Variants in PHACTR1 observed in about 807,000 individuals in gnomAD.
PHACTR1 encodes the protein RPEL repeat containing 1.
PHACTR1 carries 16 observed loss-of-function variants against 69.2 expected under a neutral mutation model. The ratio of observed to expected loss-of-function variants is 0.23; its 90% CI spans 0.16 to 0.35. PHACTR1 has a LOEUF of 0.35. Among genes scored for constraint, PHACTR1 ranks in the 10% least tolerant of loss-of-function variants. PHACTR1 has a pLI of 1.00. For synonymous variants in PHACTR1, 312 were observed against 284.5 expected (o/e 1.10, Z -0.97); for missense variants, 510 against 734.7 (o/e 0.69, Z 3.54).
intron 4 of PHACTR1, among the ~76,000 whole-genome samples, chr6:13,013,815 C>T (rs1247678871): frequency 6.7e-6 from 1 of 148,422 alleles, no homozygotes; most frequent in Non-Finnish European, 1.5e-5. Context: ...GGCATGCTGG[C>T]GAGGCCGAGG....
At chr6:13,185,557 C>T (rs765277156) in intron 7 of PHACTR1, among the ~76,000 whole-genome samples, 1 of 151,862 alleles carries the variant, frequency 6.6e-6, no homozygotes, top group African/African-American at 2.4e-5. Context: ...AATGATTGCA[C>T]ACGTCCTTTG....
intron 5 of PHACTR1, among the ~76,000 whole-genome samples, chr6:13,093,799 G>A (rs546965446): frequency 6.6e-6 from 1 of 152,216 alleles, no homozygotes; most frequent in African/African-American, 2.4e-5. Context: ...AAGTAGTCCA[G>A]TAAGTAGATA....
Position 12,718,705 on chromosome 6 carries a change from C to G in PHACTR1, c.-40C>G. The G allele has an allele frequency of 8.8e-7, 1 of 1,142,092 alleles. No homozygotes were observed. Among genetic ancestry groups the G allele is most frequent in the Non-Finnish European group, 1.3e-6 (1 of 799,150 alleles). 70.7% of individuals were successfully genotyped at this position (1,142,092 alleles called of 1,614,324 possible). A position where few individuals can be genotyped will look rare whatever the true frequency, so the allele number is the denominator to read the frequency against. On this transcript the variant is annotated 5_prime_UTR_variant, in exon 3 of 15. Transcript: ENST00000332995. ...TTTTTTTTCCTCTTTATAGGTGTTC[C>G]AGTGTTTTCTCTCAAAACTCTGTGT...
At chr6:12,784,063 C>T (rs1329038502) in intron 4 of PHACTR1, among the ~76,000 whole-genome samples, 2 of 151,830 alleles carry the variant, frequency 1.3e-5, no homozygotes, top group Non-Finnish European at 2.9e-5. Context: ...TGCACATATA[C>T]ATGATATATG....
intron 6 of PHACTR1, among the ~76,000 whole-genome samples, chr6:13,176,439 A>G (rs376711559): frequency 2.6e-4 from 40 of 152,186 alleles, no homozygotes; most frequent in African/African-American, 9.7e-4. Flanking sequence ...TATGCATTTT[A>G]CAAGTGGCAC....
At chr6:12,975,547 A>C (rs2127586839) in intron 4 of PHACTR1, among the ~76,000 whole-genome samples, 1 of 152,230 alleles carries the variant, frequency 6.6e-6, no homozygotes, top group South Asian at 2.1e-4. Context: ...TAGAAGATTC[A>C]GTTTGGCCAA....
intron 4 of PHACTR1, among the ~76,000 whole-genome samples, chr6:12,967,864 G>A (rs1793682611): frequency 6.6e-6 from 1 of 152,178 alleles, no homozygotes; most frequent in African/African-American, 2.4e-5. Flanking sequence ...GTTTTGCAAG[G>A]ACTAGTTTTG....
intron 4 of PHACTR1, among the ~76,000 whole-genome samples, chr6:12,917,475 A>G (rs1437164996): frequency 6.6e-6 from 1 of 152,202 alleles, no homozygotes; most frequent in Admixed American, 6.5e-5. Context: ...CAAGCAGGCC[A>G]GGCGCAGTGG....
Position 13,182,698 on chromosome 6 carries a change from G to A in PHACTR1, c.664+12G>A. The A allele has an allele frequency of 6.6e-7, 1 of 1,524,788 alleles. No individual in the cohort carries two copies. The highest frequency in any genetic ancestry group is 8.8e-7 in the Non-Finnish European group (1 of 1,140,464). The allele number at this position is 1,524,788 out of a possible 1,614,324, so 94.5% of individuals were successfully genotyped here. On this transcript the variant is annotated intron_variant, in intron 7 of 14. Coordinates refer to ENST00000332995, the MANE Select transcript of PHACTR1 (RefSeq NM_030948.6). ...CATGGATGGGCCAGGTAATGCCCCG[G>A]CAGGATTGTAGAGCAGGTCCCAGAC...
At chr6:12,885,475 A>G (rs1339827426) in intron 4 of PHACTR1, among the ~76,000 whole-genome samples, 1 of 152,196 alleles carries the variant, frequency 6.6e-6, no homozygotes, top group Non-Finnish European at 1.5e-5. Context: ...GCAGGGATAG[A>G]GGATGTTTGA....
intron 4 of PHACTR1, among the ~76,000 whole-genome samples, chr6:12,847,236 G>A (rs950878660): frequency 1.3e-5 from 2 of 152,136 alleles, no homozygotes; most frequent in African/African-American, 4.8e-5. Context: ...ATTCACAGAT[G>A]TCATTTTTAA....
intron 4 of PHACTR1, among the ~76,000 whole-genome samples, chr6:12,806,684 A>G (rs1431756545): frequency 1.3e-5 from 2 of 152,134 alleles, no homozygotes; most frequent in African/African-American, 4.8e-5. Context: ...ATGCTTTAAT[A>G]CTAGAAAATT....
intron 4 of PHACTR1, among the ~76,000 whole-genome samples, chr6:12,765,751 A>G (rs1170016274): frequency 6.6e-6 from 1 of 152,180 alleles, no homozygotes; most frequent in Non-Finnish European, 1.5e-5. Context: ...ATATGGAAAG[A>G]AAGGGTTATT....
intron 4 of PHACTR1, among the ~76,000 whole-genome samples, chr6:13,018,943 A>G (rs1158445360): frequency 6.6e-6 from 1 of 152,042 alleles, no homozygotes; most frequent in African/African-American, 2.4e-5. Flanking sequence ...CAGAGGCAAA[A>G]TCATGGTTCA....
intron 10 of PHACTR1, among the ~76,000 whole-genome samples, chr6:13,254,799 T>C (rs1298929390): frequency 1.3e-5 from 2 of 152,218 alleles, no homozygotes; most frequent in African/African-American, 4.8e-5. Context: ...CTCATGTAGA[T>C]TACTGTTAGT....
At chr6:12,869,077 CCACCCACA>C in intron 4 of PHACTR1, among the ~76,000 whole-genome samples, 1 of 152,266 alleles carries the variant, frequency 6.6e-6, no homozygotes, top group African/African-American at 2.4e-5. Context: ...CTTTCTACTG[CCACCCACA>C]GCCTCCTAAT....
At chr6:12,848,570 C>A (rs558218470) in intron 4 of PHACTR1, among the ~76,000 whole-genome samples, 13 of 152,264 alleles carry the variant, frequency 8.5e-5, no homozygotes, top group African/African-American at 3.1e-4. Flanking sequence ...TTTCTCAAGA[C>A]AATTGGTTTG....
At chr6:12,901,094 C>T (rs1001855420) in intron 4 of PHACTR1, among the ~76,000 whole-genome samples, 3 of 152,128 alleles carry the variant, frequency 2.0e-5, no homozygotes, top group African/African-American at 7.2e-5. Context: ...TGTTCTTTCA[C>T]TTTGTTTCTT....
chr6:12,766,253 CTG>C (rs1392045406), intron 4 of PHACTR1, among the ~76,000 whole-genome samples: 1 of 152,178 alleles, frequency 6.6e-6, no homozygotes, highest in African/African-American at 2.4e-5. Flanking sequence ...TTCTTTCAGT[CTG>C]TTGTCATGCT....
Sources: allele counts gnomAD v4.1 joint callset (sites outside exome capture counted in the v4.1 genomes callset), GRCh38; gene constraint gnomAD v4.1.1; transcripts MANE v1.5; gene names NCBI Gene and HGNC (gene_info 2026-07-23, HGNC 2026-07-21).